MTHFD2L: variants seen among roughly 807,000 people sequenced by gnomAD.
The protein encoded by MTHFD2L is methylenetetrahydrofolate dehydrogenase (NADP+ dependent) 2 like.
A neutral mutation model predicts 34.9 loss-of-function variants in MTHFD2L; 29 were observed. That is an observed-to-expected ratio of 0.83 (90% CI 0.62 to 1.13). The LOEUF (loss-of-function observed/expected upper bound fraction) is 1.13, where lower values mean the gene tolerates loss of function less well. Ranked by LOEUF, MTHFD2L falls within the 50% of genes most tolerant of loss-of-function variation. The pLI, the probability that MTHFD2L is intolerant of heterozygous loss-of-function variation, is 0.00. For synonymous variants in MTHFD2L, 167 were observed against 155.7 expected, an observed-to-expected ratio of 1.07 and a Z score of -0.54; for missense variants, 481 against 446.5, an observed-to-expected ratio of 1.08 and a Z score of -0.70.
upstream of MTHFD2L, among the ~76,000 whole-genome samples, chr4:74,123,580 G>C (rs554850722): frequency 1.3e-5 from 2 of 152,112 alleles, no homozygotes; most frequent in Non-Finnish European, 2.9e-5. Context: ...AATAACTTTT[G>C]TGGGCCTTAG....
chr4:74,266,672 G>T lies in MTHFD2L; in HGVS notation c.806-14753G>T, dbSNP rs573439892. The stretch of plus-strand genomic sequence containing the variant: ...TCGAACTCAACCCTTCCATTTTCTT[G>T]TTTGAGTCTCTCTGTTCTTCTAAAG... On this transcript the variant is annotated intron_variant, in intron 6 of 7. Coordinates refer to ENST00000325278, the MANE Select transcript of MTHFD2L (RefSeq NM_001144978.3). Among the ~76,000 whole-genome samples, 171 of 152,152 alleles carry T rather than the reference G, an allele frequency of 1.1e-3. 2 individuals are homozygous for T. The highest frequency in any genetic ancestry group is 3.9e-3 in the African/African-American group (161 of 41,522).
At chr4:74,159,090 G>A (rs893150316) in intron 1 of MTHFD2L, among the ~76,000 whole-genome samples, 3 of 152,174 alleles carry the variant, frequency 2.0e-5, no homozygotes, top group Non-Finnish European at 4.4e-5. Context: ...CCAGTGCCCA[G>A]CACAATCCCT....
At chr4:74,117,706 G>C (rs1452009946) in intron 2 of MTHFD2L, among the ~76,000 whole-genome samples, 2 of 152,230 alleles carry the variant, frequency 1.3e-5, no homozygotes, top group Non-Finnish European at 2.9e-5. Context: ...CATGAGAGCT[G>C]CTTCCGCAGC....
At chr4:74,224,665 A>G (rs986448857) in intron 5 of MTHFD2L, among the ~76,000 whole-genome samples, 3 of 152,090 alleles carry the variant, frequency 2.0e-5, no homozygotes, top group African/African-American at 7.2e-5. Context: ...GCTTTCATAT[A>G]AAATCTTCCT....
chr4:74,219,408 A>T (rs1043019814), intron 5 of MTHFD2L, among the ~76,000 whole-genome samples: 3 of 152,130 alleles, frequency 2.0e-5, no homozygotes, highest in Non-Finnish European at 4.4e-5. Flanking sequence ...AGTCATCTGA[A>T]GGTCAGAGAT....
chr4:74,172,258 T>G (rs1029238740), intron 1 of MTHFD2L, among the ~76,000 whole-genome samples: 1 of 152,234 alleles, frequency 6.6e-6, no homozygotes, highest in Non-Finnish European at 1.5e-5. Context: ...TTCATTTTCT[T>G]GACTATAGTG....
chr4:74,138,426 CA>C (rs1433990623), intron 1 of MTHFD2L, among the ~76,000 whole-genome samples: 1 of 152,140 alleles, frequency 6.6e-6, no homozygotes, highest in Non-Finnish European at 1.5e-5. Context: ...TCACGGATTC[CA>C]AGGAATGGAA....
intron 6 of MTHFD2L, among the ~76,000 whole-genome samples, chr4:74,244,209 A>C (rs1742102858): frequency 6.6e-6 from 1 of 152,142 alleles, no homozygotes; most frequent in South Asian, 2.1e-4. Context: ...TACATTCATC[A>C]CCACAATCTT....
intron 2 of MTHFD2L, among the ~76,000 whole-genome samples, chr4:74,116,147 A>G (rs1721652293): frequency 6.6e-6 from 1 of 152,200 alleles, no homozygotes; most frequent in Non-Finnish European, 1.5e-5. Flanking sequence ...CCATACCTGC[A>G]TCATTTTGGT....
chr4:74,254,882 C>T (rs1743801443), intron 6 of MTHFD2L, among the ~76,000 whole-genome samples: 1 of 151,944 alleles, frequency 6.6e-6, no homozygotes, highest in Non-Finnish European at 1.5e-5. Flanking sequence ...TGCCTGTAAT[C>T]CTAGCACTTT....
chr4:74,246,564 C>A (rs1480244593), intron 6 of MTHFD2L, among the ~76,000 whole-genome samples: 1 of 152,108 alleles, frequency 6.6e-6, no homozygotes, highest in African/African-American at 2.4e-5. Flanking sequence ...ATGCCTATGT[C>A]CTGAATGGTA....
intron 6 of MTHFD2L, among the ~76,000 whole-genome samples, chr4:74,266,125 C>A (rs1273459444): frequency 6.6e-6 from 1 of 152,186 alleles, no homozygotes; most frequent in Admixed American, 6.5e-5. Flanking sequence ...TTGACTTTTT[C>A]ATTACAACCT....
At chr4:74,190,524 C>T in intron 3 of MTHFD2L, 6 of 985,318 alleles carry the variant, frequency 6.1e-6, no homozygotes, top group Non-Finnish European at 7.2e-6. Context: ...AGAACTCCTT[C>T]CAGTCTACCT....
At chr4:74,115,767 T>C (rs967212916) in intron 2 of MTHFD2L, among the ~76,000 whole-genome samples, 1 of 152,222 alleles carries the variant, frequency 6.6e-6, no homozygotes, top group Non-Finnish European at 1.5e-5. Context: ...TTAAATTAAA[T>C]TACATTTATC....
chr4:74,174,881 T>C (rs1728729396), intron 2 of MTHFD2L, among the ~76,000 whole-genome samples, 191 bp downstream of exon 2: 1 of 152,174 alleles, frequency 6.6e-6, no homozygotes, highest in African/African-American at 2.4e-5. Context: ...ATAGGGTTAA[T>C]TCAGTGTGTT....
At chr4:74,137,118 G>A (rs1722987152) in intron 1 of MTHFD2L, among the ~76,000 whole-genome samples, 1 of 152,090 alleles carries the variant, frequency 6.6e-6, no homozygotes, top group Non-Finnish European at 1.5e-5. Context: ...AGACAATTGG[G>A]ATTACATCAA....
chr4:74,278,026 G>C lies in MTHFD2L; in HGVS notation c.806-3399G>C, dbSNP rs191780864. On this transcript the variant is annotated intron_variant, in intron 6 of 7. Transcript: ENST00000325278. ...CCACTTATTTCACTGAAAAATTCTT[G>C]CTACAAAAAAAAATAAAGTTAGCTG... is the stretch of plus-strand genomic sequence containing the variant. 4.6e-3 allele frequency among the ~76,000 whole-genome samples: 692 copies of C among 151,916 alleles called. 6 individuals are homozygous for C. Among genetic ancestry groups the C allele is most frequent in the South Asian group, 0.043 (206 of 4,818 alleles).
Position 74,191,291 on chromosome 4 carries a change from T to G in MTHFD2L, c.452-8503T>G, listed in dbSNP as rs1310173803. 2.0e-5 allele frequency among the ~76,000 whole-genome samples: 3 copies of G among 152,202 alleles called. No individual in the cohort carries two copies. In the East Asian group the frequency reaches 5.8e-4, roughly 29 times the overall value. Reference sequence around the variant, plus strand: ...AATATTTGTTGAGTAAATAAATGATTGAATTTTCAAGGGCATTGTATACAC... The same window carrying G: ...AATATTTGTTGAGTAAATAAATGATGGAATTTTCAAGGGCATTGTATACAC... On this transcript the variant is annotated intron_variant, in intron 3 of 7. Coordinates refer to ENST00000325278, the MANE Select transcript of MTHFD2L (RefSeq NM_001144978.3).
intron 6 of MTHFD2L, among the ~76,000 whole-genome samples, chr4:74,232,638 A>G (rs1027006571): frequency 6.6e-6 from 1 of 152,182 alleles, no homozygotes; most frequent in African/African-American, 2.4e-5. Flanking sequence ...AACTTGGACA[A>G]TAGAGAGGGA....
Sources: gnomAD v4.1 joint callset for allele counts (sites outside exome capture counted in the v4.1 genomes callset) on GRCh38, gnomAD v4.1.1 for gene constraint, MANE v1.5 for transcripts, NCBI Gene and HGNC (gene_info 2026-07-23, HGNC 2026-07-21) for gene names.